GRK6: variants seen among roughly 807,000 people sequenced by gnomAD.
GRK6 encodes the protein G protein-coupled receptor kinase 6.
Under a neutral mutation model 80.8 loss-of-function variants are expected in GRK6, and 37 were observed. The observed-to-expected ratio is 0.46, with a 90% CI of 0.35 to 0.60. GRK6 has a LOEUF of 0.60. Among genes scored for constraint, GRK6 ranks in the 20% least tolerant of loss-of-function variants. The pLI is 0.00. For synonymous variants in GRK6, 295 were observed against 320.9 expected, an observed-to-expected ratio of 0.92 and a Z score of 0.86; for missense variants, 560 against 784.6, an observed-to-expected ratio of 0.71 and a Z score of 3.42.
rs1764533323 is a variant in GRK6 at position 177,442,012 on chromosome 5, C to T, written c.*222C>T. On this transcript the variant is annotated 3_prime_UTR_variant, in exon 16 of 16. Transcript: ENST00000355472. ...AAAGGTGCGTCCCTTCAGCTCTTCT[C>T]CGTGGAGCTCGGGGCTTTCTGTATT... The T allele has an allele frequency of 1.7e-6, 1 of 577,558 alleles. No homozygotes were observed. Among genetic ancestry groups the T allele is most frequent in the Non-Finnish European group, 3.1e-6 (1 of 324,594 alleles). The allele number at this position is 577,558 out of a possible 1,614,324, so 35.8% of individuals were successfully genotyped here.
At position 177,433,643 on chromosome 5, in the gene GRK6, G is replaced by A; in HGVS notation, c.705G>A (p.Lys235=). 1 of 1,614,178 alleles carries A rather than the reference G, an allele frequency of 6.2e-7. No individual in the cohort carries two copies. Among genetic ancestry groups the A allele is most frequent in the Non-Finnish European group, 8.5e-7 (1 of 1,180,024 alleles). Residue 235 remains lysine, a synonymous_variant, in exon 8 of 16, where the codon AAG becomes AAA. Transcript: ENST00000355472. ...GGGAGGCCATGGCGCTGAACGAGAA[G>A]CAGATCCTGGAGAAAGTGAACAGTA... ...RKGEAMALNE[K]QILEKVNSRF... is the part of the protein sequence containing the mutation.
chr5:177,438,407 G>C (rs1202438546), intron 13 of GRK6: 1 of 152,256 alleles, frequency 6.6e-6, no homozygotes. Flanking sequence ...GAAGATGGCA[G>C]AGAATGATGG....
rs988901265 is a variant in GRK6 at position 177,441,744 on chromosome 5, G to A, written c.1685G>A (p.Cys562Tyr). 3.7e-6 allele frequency: 6 copies of A among 1,612,408 alleles called. No individual in the cohort carries two copies. The African/African-American group carries it at 5.3e-5, about 14-fold the overall frequency. The part of the protein sequence containing the change: ...LQRLFSRQDC[C>Y]GNCSDSEEEL... ...TCTTCCCCGTCCCTCCAGGATTGCTGTGGAAACTGCAGCGACAGCGAGGAA... is the reference window on the plus strand; with the variant it reads ...TCTTCCCCGTCCCTCCAGGATTGCTATGGAAACTGCAGCGACAGCGAGGAA... The change falls in exon 16 of 16, where the codon TGT (cysteine) becomes TAT (tyrosine). Residue 562 changes from cysteine to tyrosine, a missense_variant. Cys to Tyr is a radical substitution (Grantham distance 194). Coordinates refer to ENST00000355472, the MANE Select transcript of GRK6 (RefSeq NM_001004106.3).
chr5:177,434,137 T>C lies in GRK6; in HGVS notation c.929+33T>C, dbSNP rs556408992. The C allele has an allele frequency of 2.0e-6, 3 of 1,505,142 alleles. No homozygotes were observed. In the South Asian group the frequency reaches 3.9e-5, roughly 20 times the overall value. The allele number at this position is 1,505,142 out of a possible 1,614,324, so 93.2% of individuals were successfully genotyped here. ...GGGCTCGGCCACCCCAGGGGCTTAG[T>C]CCTTCCCTGCCAGCGACTGCAGCTG... On this transcript the variant is annotated intron_variant, in intron 9 of 15. Transcript: ENST00000355472.
At chr5:177,431,016 G>C (rs1193173852) in intron 2 of GRK6, 49 bp downstream of exon 2, 2 of 1,525,022 alleles carry the variant, frequency 1.3e-6, no homozygotes, top group Non-Finnish European at 1.8e-6. Flanking sequence ...GGCCCTGCTG[G>C]GGCCGGGGGA....
chr5:177,425,581 C>T (rs765979703), upstream of GRK6, among the ~76,000 whole-genome samples: 2 of 152,252 alleles, frequency 1.3e-5, no homozygotes, highest in Non-Finnish European at 2.9e-5. Flanking sequence ...TCACTTGCTC[C>T]CTCCACTTCT....
intron 13 of GRK6, among the ~76,000 whole-genome samples, chr5:177,437,691 C>T (rs778520419): frequency 1.3e-5 from 2 of 152,252 alleles, no homozygotes; most frequent in Non-Finnish European, 2.9e-5. Context: ...TTCTCCAGCT[C>T]TTGCCTGGCC....
chr5:177,426,928 G>T, intron 1 of GRK6, 31 bp downstream of exon 1: 3 of 1,324,708 alleles, frequency 2.3e-6, no homozygotes, highest in Non-Finnish European at 2.9e-6. Flanking sequence ...GCCGGGCCCG[G>T]GTGCGTGGAG....
In GRK6 at chr5:177,428,365, G is replaced by A. The variant is rs1286098215; in HGVS notation, c.52+1468G>A. On this transcript the variant is annotated intron_variant, in intron 1 of 15. Coordinates refer to ENST00000355472, the MANE Select transcript of GRK6 (RefSeq NM_001004106.3). This position sits in a 1 kb window ranked among gnomAD's most constrained non-coding sequence, Gnocchi z 4.1. ...CCATGGGCAAGGCACAGGGTGGTAT[G>A]GCCAGACTGGGGACTGGTACCTCCA... 6.6e-6 allele frequency among the ~76,000 whole-genome samples: 1 copy of A among 152,244 alleles called. No homozygotes were observed. The highest frequency in any genetic ancestry group is 1.5e-5 in the Non-Finnish European group (1 of 68,040).
rs764957648 is a variant in GRK6 at position 177,435,144 on chromosome 5, A to T, written c.1057+23A>T. Reference sequence around the variant, plus strand: ...TGGGTGAGTCTTCTCTGCCCGGCCCACTAGCCTCCTGGGTTCCCTCACTAT... The same window carrying T: ...TGGGTGAGTCTTCTCTGCCCGGCCCTCTAGCCTCCTGGGTTCCCTCACTAT... On this transcript the variant is annotated intron_variant, in intron 11 of 15. Coordinates refer to ENST00000355472, the MANE Select transcript of GRK6 (RefSeq NM_001004106.3). 12 of 1,557,022 alleles carry T rather than the reference A, an allele frequency of 7.7e-6. No homozygotes were observed. The Admixed American group carries it at 1.9e-4, about 25-fold the overall frequency.
intron 13 of GRK6, chr5:177,440,006 A>T (rs1467293810): frequency 6.6e-6 from 1 of 152,224 alleles, no homozygotes; most frequent in Non-Finnish European, 1.5e-5. Flanking sequence ...GTGTGTGCAG[A>T]TGCCGCCATT....
chr5:177,431,008 C>T (rs1275116066), intron 2 of GRK6, 41 bp downstream of exon 2: 1 of 1,558,534 alleles, frequency 6.4e-7, no homozygotes. Flanking sequence ...AGGCGAGGGG[C>T]CCTGCTGGGG....
Position 177,442,120 on chromosome 5 carries a change from GGGC to G in GRK6, c.*331_*333del. The G allele has an allele frequency of 2.9e-6, 1 of 347,570 alleles. No individual in the cohort carries two copies. The highest frequency in any genetic ancestry group is 5.3e-6 in the Non-Finnish European group (1 of 190,342). The allele number at this position is 347,570 out of a possible 1,614,324, so 21.5% of individuals were successfully genotyped here. A position where few individuals can be genotyped will look rare whatever the true frequency, so the allele number is the denominator to read the frequency against. ...CTGGCGCCCCCGCCTTGGCTCCTGGGGGCAGCCAGCCCTGGCTGGGAGAGCGGG... is the reference window on the plus strand; with the variant it reads ...CTGGCGCCCCCGCCTTGGCTCCTGGGAGCCAGCCCTGGCTGGGAGAGCGGG... On this transcript the variant is annotated 3_prime_UTR_variant, in exon 16 of 16. Transcript: ENST00000355472.
chr5:177,439,074 A>G (rs935973095), intron 13 of GRK6, among the ~76,000 whole-genome samples: 1 of 152,228 alleles, frequency 6.6e-6, no homozygotes, highest in Non-Finnish European at 1.5e-5. Context: ...TTAACCTTGA[A>G]ATAACTACAC....
chr5:177,430,421 C>CATATCT (rs1763838016), intron 1 of GRK6, among the ~76,000 whole-genome samples: 1 of 152,182 alleles, frequency 6.6e-6, no homozygotes, highest in African/African-American at 2.4e-5. Flanking sequence ...TGATGTGGGG[C>CATATCT]CTGGTGATAG....
chr5:177,440,290 C>T (rs923571859), intron 13 of GRK6, among the ~76,000 whole-genome samples: 10 of 152,206 alleles, frequency 6.6e-5, no homozygotes, highest in Non-Finnish European at 1.3e-4. Flanking sequence ...GAGAAGACGG[C>T]AAGTCCCAGG....
At chr5:177,427,767 G>A (rs1409497321) in intron 1 of GRK6, among the ~76,000 whole-genome samples, 1 of 152,214 alleles carries the variant, frequency 6.6e-6, no homozygotes, top group Non-Finnish European at 1.5e-5. Flanking sequence ...TGGGGAAGCA[G>A]CAGTAAACAA....
Position 177,432,056 on chromosome 5 carries a change from C to T in GRK6, c.210C>T (p.Phe70=). The T allele has an allele frequency of 7.4e-6, 12 of 1,613,150 alleles. No homozygotes were observed. Among genetic ancestry groups the T allele is most frequent in the Non-Finnish European group, 1.0e-5 (12 of 1,179,728 alleles). ...TTGGGCGCCTGCTGTTCCGAGAGTT[C>T]TGTGCCACGAGGCCGGAGCTGAGCC... is the stretch of plus-strand genomic sequence containing the variant. ...QPIGRLLFRE[F]CATRPELSRC... Residue 70 remains phenylalanine, a synonymous_variant, in exon 3 of 16, where the codon TTC becomes TTT. Coordinates refer to ENST00000355472, the MANE Select transcript of GRK6 (RefSeq NM_001004106.3).
At chr5:177,433,706 C>T in intron 8 of GRK6, 30 bp downstream of exon 8, 1 of 1,610,622 alleles carries the variant, frequency 6.2e-7, no homozygotes, top group East Asian at 2.2e-5. Context: ...CTCCCTTCCC[C>T]TTGGCCACAC....
Sources: allele counts gnomAD v4.1 joint callset (sites outside exome capture counted in the v4.1 genomes callset), GRCh38; gene constraint gnomAD v4.1.1; non-coding constraint Gnocchi (gnomAD v3.1); transcripts MANE v1.5; gene names NCBI Gene and HGNC (gene_info 2026-07-23, HGNC 2026-07-21).